NIPAL2: variants seen among roughly 807,000 people sequenced by gnomAD.
The protein encoded by NIPAL2 is NIPA-like protein 2.
Under a neutral mutation model 48.9 loss-of-function variants are expected in NIPAL2, and 43 were observed. The ratio of observed to expected loss-of-function variants is 0.88; its 90% confidence interval spans 0.69 to 1.13. The LOEUF is 1.13. NIPAL2 is among the 50% of genes most tolerant of loss of function. NIPAL2 has a pLI of 0.00. For synonymous variants in NIPAL2, 167 were observed against 174.6 expected (o/e 0.96, Z 0.34); for missense variants, 446 against 461.4 (o/e 0.97, Z 0.31).
intron 1 of NIPAL2, among the ~76,000 whole-genome samples, chr8:98,268,647 G>GA (rs145834761): frequency 6.7e-6 from 1 of 149,094 alleles, no homozygotes; most frequent in African/African-American, 2.5e-5. Flanking sequence ...CAAGAAGAAA[G>GA]AAAAAAACCC....
intron 6 of NIPAL2, among the ~76,000 whole-genome samples, chr8:98,209,991 AT>A (rs1167739914): frequency 5.3e-5 from 8 of 151,910 alleles, no homozygotes; most frequent in African/African-American, 1.7e-4. Flanking sequence ...AAATTTATAT[AT>A]ATGCATATCT....
Position 98,222,331 on chromosome 8 carries a change from T to G in NIPAL2, c.558+148A>C, listed in dbSNP as rs1811934274. The G allele has an allele frequency of 7.9e-6, 6 of 758,186 alleles. No homozygotes were observed. The East Asian group carries it at 1.9e-4, about 24-fold the overall frequency. 47.0% of individuals were successfully genotyped at this position (758,186 alleles called of 1,614,324 possible). On this transcript the variant is annotated intron_variant, in intron 5 of 10. Transcript: ENST00000430223. ...GGTGCTTCTGTTGCTGACTTAGTATTTCAAATACTTTGGTATTGGTCAAAT... is the reference window on the plus strand; with the variant it reads ...GGTGCTTCTGTTGCTGACTTAGTATGTCAAATACTTTGGTATTGGTCAAAT...
At chr8:98,234,011 G>A (rs966882043) in intron 4 of NIPAL2, among the ~76,000 whole-genome samples, 2 of 150,938 alleles carry the variant, frequency 1.3e-5, no homozygotes, top group Non-Finnish European at 3.0e-5. Context: ...CTAAACCTGA[G>A]TAATTTTGTC....
At chr8:98,285,204 G>A (rs1048261990) in intron 1 of NIPAL2, among the ~76,000 whole-genome samples, 2 of 152,206 alleles carry the variant, frequency 1.3e-5, no homozygotes, top group African/African-American at 4.8e-5. Flanking sequence ...TGAGCTGGGA[G>A]TGGTGTTAGC....
chr8:98,220,964 C>CTTTT (rs557824737), intron 5 of NIPAL2, among the ~76,000 whole-genome samples: 902 of 68,672 alleles, frequency 0.013, 4 homozygotes, highest in East Asian at 0.037. Context: ...TCATTTCATT[C>CTTTT]TTTTTTTTTT....
intron 4 of NIPAL2, among the ~76,000 whole-genome samples, chr8:98,235,304 A>G (rs1812647914): frequency 6.6e-6 from 1 of 152,238 alleles, no homozygotes; most frequent in Admixed American, 6.5e-5. Context: ...TCTTCTCACC[A>G]ATGATATGTC....
At position 98,254,079 on chromosome 8, in the gene NIPAL2, A is replaced by C; in HGVS notation, c.144T>G (p.Leu48=). 3 of 1,610,152 alleles carry C rather than the reference A, an allele frequency of 1.9e-6. No homozygotes were observed. The highest frequency in any genetic ancestry group is 2.5e-6 in the Non-Finnish European group (3 of 1,177,464). Residue 48 remains leucine (L), a synonymous_variant, in exon 2 of 11, where the codon CTT becomes CTG. Transcript: ENST00000430223. ...CTAAAATAGCCAGCAAAACTCCAAA[A>C]AGGTGAATCTGTAAAAGAAAATGTT... The part of the protein sequence containing the change: ...GDWYRRNQIH[L]FGVLLAILGN...
chr8:98,230,715 T>A (rs1486250714), intron 4 of NIPAL2, among the ~76,000 whole-genome samples: 1 of 152,194 alleles, frequency 6.6e-6, no homozygotes, highest in Non-Finnish European at 1.5e-5. Context: ...GCACCAAAAA[T>A]GTGGTTGGAG....
intron 5 of NIPAL2, among the ~76,000 whole-genome samples, chr8:98,215,806 A>C (rs1441020344): frequency 1.3e-5 from 2 of 151,782 alleles, no homozygotes; most frequent in Admixed American, 1.3e-4. Context: ...TGGGCCTTGT[A>C]CCTGTGAGGT....
At chr8:98,195,372 T>C (rs1810493427) in intron 9 of NIPAL2, among the ~76,000 whole-genome samples, 2 of 151,992 alleles carry the variant, frequency 1.3e-5, no homozygotes, top group Non-Finnish European at 2.9e-5. Flanking sequence ...ATGAAGTGCC[T>C]CATGGAGTCA....
chr8:98,248,204 C>T (rs1277693700), intron 3 of NIPAL2, among the ~76,000 whole-genome samples: 1 of 152,112 alleles, frequency 6.6e-6, no homozygotes, highest in Non-Finnish European at 1.5e-5. Flanking sequence ...CTGTGAGGAT[C>T]CTACTTTATT....
chr8:98,204,303 G>T (rs1051676083), intron 7 of NIPAL2, among the ~76,000 whole-genome samples: 1 of 152,132 alleles, frequency 6.6e-6, no homozygotes, highest in African/African-American at 2.4e-5. Context: ...TTGTAACAGG[G>T]CCTATCTTCA....
chr8:98,273,239 T>C (rs1156965477), intron 1 of NIPAL2, among the ~76,000 whole-genome samples: 1 of 152,204 alleles, frequency 6.6e-6, no homozygotes, highest in East Asian at 1.9e-4. Context: ...GAAAAGTTTA[T>C]GCTAAGTGGA....
chr8:98,202,111 T>C (rs1051060071), intron 8 of NIPAL2, among the ~76,000 whole-genome samples: 6 of 152,254 alleles, frequency 3.9e-5, no homozygotes, highest in Non-Finnish European at 8.8e-5. Context: ...TTAGTTTTAA[T>C]GCTATCATGC....
At chr8:98,269,414 G>A (rs1379888793) in intron 1 of NIPAL2, among the ~76,000 whole-genome samples, 1 of 152,170 alleles carries the variant, frequency 6.6e-6, no homozygotes, top group Admixed American at 6.5e-5. Context: ...GTGTTAGTGG[G>A]CATGAAAACA....
intron 5 of NIPAL2, among the ~76,000 whole-genome samples, chr8:98,213,727 G>C (rs886154170): frequency 6.6e-6 from 1 of 151,962 alleles, no homozygotes; most frequent in African/African-American, 2.4e-5. Flanking sequence ...CCTCCTCCAA[G>C]TCACTCAGCT....
intron 1 of NIPAL2, among the ~76,000 whole-genome samples, chr8:98,271,472 T>A (rs530115077): frequency 6.6e-6 from 1 of 152,168 alleles, no homozygotes; most frequent in Admixed American, 6.6e-5. Context: ...GTAAATGAGA[T>A]TGTGTTCCTG....
chr8:98,243,433 G>C (rs1441774153), intron 3 of NIPAL2, among the ~76,000 whole-genome samples: 1 of 152,184 alleles, frequency 6.6e-6, no homozygotes, highest in Non-Finnish European at 1.5e-5. Context: ...GCCAGTCCCA[G>C]AGCGAGGTAT....
In NIPAL2 at chr8:98,201,630, T is replaced by C. The variant is rs1677989389; in HGVS notation, c.880+1478A>G. Among the ~76,000 whole-genome samples the C allele has an allele frequency of 1.3e-5, 2 of 152,168 alleles. 1 individual carries two copies. The highest frequency in any genetic ancestry group is 4.1e-4 in the South Asian group (2 of 4,820). On this transcript the variant is annotated intron_variant, in intron 8 of 10. Transcript: ENST00000430223. ...AAATCTTCCGATCAGGGCAACTATA[T>C]TCTTTATGCACATTAATATTAACTA...
Sources: gnomAD v4.1 joint callset for allele counts (sites outside exome capture counted in the v4.1 genomes callset) on GRCh38, gnomAD v4.1.1 for gene constraint, MANE v1.5 for transcripts, NCBI Gene and HGNC (gene_info 2026-07-23, HGNC 2026-07-21) for gene names.